RIN3: variants seen among roughly 807,000 people sequenced by gnomAD.
RIN3 encodes Ras and Rab interactor 3.
A neutral mutation model predicts 76.3 loss-of-function variants in RIN3; 54 were observed. The observed-to-expected ratio is 0.71, with a 90% confidence interval of 0.57 to 0.89. The LOEUF is 0.89. Ranked by LOEUF, RIN3 falls within the 40% of genes least tolerant of loss-of-function variation. The pLI is 0.00. For missense variants in RIN3, 1,256 were observed against 1,322.1 expected (o/e 0.95, Z 0.78); for synonymous variants, 576 against 564.0 (o/e 1.02, Z -0.30).
intron 3 of RIN3, among the ~76,000 whole-genome samples, chr14:92,592,640 T>G (rs1354154026): frequency 1.5e-5 from 2 of 134,800 alleles, no homozygotes; most frequent in East Asian, 2.0e-4. Flanking sequence ...CTTTTAAATT[T>G]TGTATTATTA....
At chr14:92,583,455 C>T (rs1334834315) in intron 3 of RIN3, among the ~76,000 whole-genome samples, 1 of 152,268 alleles carries the variant, frequency 6.6e-6, no homozygotes, top group African/African-American at 2.4e-5. Context: ...TGCTTGCACA[C>T]ACATGGGTGT....
In RIN3 at chr14:92,652,843, C is replaced by T. The variant is rs990456466; in HGVS notation, c.1794C>T (p.Asn598=). 4.3e-6 allele frequency: 7 copies of T among 1,613,998 alleles called. No homozygotes were observed. Among genetic ancestry groups the T allele is most frequent in the Non-Finnish European group, 5.9e-6 (7 of 1,180,062 alleles). ...TGTTCCACGCTTTCCTCTCCAACAA[C>T]CGCAAGCTGTACAAGAAGGTGGTGG... ...SSMFHAFLSN[N]RKLYKKVVEL... The change falls in exon 6 of 10, where the codon AAC becomes AAT. Residue 598 remains asparagine (N), a synonymous_variant. Transcript: ENST00000216487. The surrounding 1 kb of genome is among the most constrained non-coding windows in gnomAD (Gnocchi z 6.4).
intron 4 of RIN3, among the ~76,000 whole-genome samples, chr14:92,630,246 T>C (rs1316469368): frequency 1.3e-5 from 2 of 152,128 alleles, no homozygotes; most frequent in African/African-American, 4.8e-5. Flanking sequence ...ATCCCAGCAC[T>C]TTAGGAGGCC....
At position 92,623,316 on chromosome 14, in the gene RIN3, C is replaced by G. The variant is rs550788395; in HGVS notation, c.440+7837C>G. Among the ~76,000 whole-genome samples the G allele has an allele frequency of 1.3e-5, 2 of 152,350 alleles. No homozygotes were observed. Among genetic ancestry groups the G allele is most frequent in the Non-Finnish European group, 2.9e-5 (2 of 68,032 alleles). Reference sequence around the variant, plus strand: ...CCACCTTTTTCTGCTAATATCATATCTAAGGCCATTCTGTTTTCCCAAGCC... The same window carrying G: ...CCACCTTTTTCTGCTAATATCATATGTAAGGCCATTCTGTTTTCCCAAGCC... On this transcript the variant is annotated intron_variant, in intron 4 of 9. Transcript: ENST00000216487. This position sits in a 1 kb window ranked among gnomAD's most constrained non-coding sequence, Gnocchi z 4.9.
intron 2 of RIN3, among the ~76,000 whole-genome samples, chr14:92,565,146 T>A (rs1000905646): frequency 1.3e-5 from 2 of 152,184 alleles, no homozygotes; most frequent in African/African-American, 4.8e-5. Context: ...CCATCGAGGT[T>A]GAGCTCTGAA....
intron 3 of RIN3, among the ~76,000 whole-genome samples, chr14:92,588,850 C>T (rs1032784992): frequency 6.6e-6 from 1 of 152,176 alleles, no homozygotes; most frequent in African/African-American, 2.4e-5. Context: ...CATAAAGCAG[C>T]ACTCTCTGCC....
chr14:92,678,808 T>C (rs1054420680), intron 8 of RIN3, among the ~76,000 whole-genome samples: 3 of 152,230 alleles, frequency 2.0e-5, no homozygotes, highest in Admixed American at 2.0e-4. Flanking sequence ...GAATGCCTCA[T>C]TCTGCATCCC....
At chr14:92,614,475 G>A in intron 3 of RIN3, among the ~76,000 whole-genome samples, 1 of 152,152 alleles carries the variant, frequency 6.6e-6, no homozygotes. Flanking sequence ...CAAAAATGAT[G>A]AGTGTATATT....
intron 3 of RIN3, among the ~76,000 whole-genome samples, chr14:92,581,313 A>G (rs922157706): frequency 6.6e-6 from 1 of 152,190 alleles, no homozygotes; most frequent in Non-Finnish European, 1.5e-5. Flanking sequence ...CCTGTCTCTT[A>G]CTAAGAGCAA....
At chr14:92,651,276 C>T (rs542703983) in intron 5 of RIN3, among the ~76,000 whole-genome samples, 17 of 152,282 alleles carry the variant, frequency 1.1e-4, no homozygotes, top group African/African-American at 4.1e-4. Flanking sequence ...CACCCTGTGT[C>T]ATCAATGCCC....
chr14:92,621,235 C>CAAAAAAAAA lies in RIN3; in HGVS notation c.440+5768_440+5776dup, dbSNP rs572318532. ...TGGGTGACAGAGCGAGACTCCGTCT[C>CAAAAAAAAA]AAAAAAAAAAAAAAAAAAAAGAATT... On this transcript the variant is annotated intron_variant, in intron 4 of 9. Transcript: ENST00000216487. Among the ~76,000 whole-genome samples the CAAAAAAAAA allele has an allele frequency of 7.0e-3, 494 of 70,518 alleles. 66 individuals are homozygous for CAAAAAAAAA. The highest frequency in any genetic ancestry group is 0.027 in the East Asian group (65 of 2,440). 46.3% of individuals were successfully genotyped at this position (70,518 alleles called of 152,430 possible).
intron 3 of RIN3, among the ~76,000 whole-genome samples, chr14:92,603,478 G>A (rs193104642): frequency 6.6e-6 from 1 of 152,246 alleles, no homozygotes; most frequent in African/African-American, 2.4e-5. Flanking sequence ...AGAGGGTGTG[G>A]GAGGGGCTCA....
In RIN3 at chr14:92,514,922, C is replaced by A. The variant is rs1294979575; in HGVS notation, c.44+946C>A. Among the ~76,000 whole-genome samples the A allele has an allele frequency of 6.6e-6, 1 of 152,234 alleles. No homozygotes were observed. Among genetic ancestry groups the A allele is most frequent in the South Asian group, 2.1e-4 (1 of 4,830 alleles). ...ATTCCCAGCTTTTTGGTTTAAAAGT[C>A]CCGGGCCTACTTCTCTGATGGACAC... On this transcript the variant is annotated intron_variant, in intron 1 of 9. Transcript: ENST00000216487. This position sits in a 1 kb window ranked among gnomAD's most constrained non-coding sequence, Gnocchi z 7.2.
At chr14:92,665,292 C>T (rs1317968366) in intron 7 of RIN3, among the ~76,000 whole-genome samples, 1 of 151,730 alleles carries the variant, frequency 6.6e-6, no homozygotes, top group Non-Finnish European at 1.5e-5. Flanking sequence ...TCTCATGGAA[C>T]CACCGTCATA....
intron 3 of RIN3, among the ~76,000 whole-genome samples, chr14:92,602,254 C>A (rs928671920): frequency 1.3e-5 from 2 of 152,208 alleles, no homozygotes; most frequent in Non-Finnish European, 2.9e-5. Context: ...AGTGCCCAGG[C>A]CAGTGGGAGG....
intron 3 of RIN3, among the ~76,000 whole-genome samples, chr14:92,597,695 G>A (rs895373388): frequency 6.6e-5 from 10 of 152,168 alleles, no homozygotes; most frequent in Middle Eastern, 3.4e-3. Context: ...TCAGAATTCC[G>A]TTCTTATATC....
chr14:92,571,782 T>A (rs1427291432), intron 2 of RIN3, among the ~76,000 whole-genome samples: 1 of 152,130 alleles, frequency 6.6e-6, no homozygotes, highest in Non-Finnish European at 1.5e-5. Context: ...ATACTTCCAA[T>A]TACAGTTTTG....
chr14:92,558,771 G>A (rs1897670869), intron 2 of RIN3, among the ~76,000 whole-genome samples: 2 of 152,376 alleles, frequency 1.3e-5, no homozygotes, highest in East Asian at 3.9e-4. Context: ...CCGGAAGGGT[G>A]AGGGAGCTGT....
chr14:92,564,951 A>G (rs1198392160), intron 2 of RIN3, among the ~76,000 whole-genome samples: 1 of 152,222 alleles, frequency 6.6e-6, no homozygotes, highest in Non-Finnish European at 1.5e-5. Flanking sequence ...GAAGGCTTTC[A>G]GGAGCAGTGG....
Sources: gnomAD v4.1 joint callset for allele counts (sites outside exome capture counted in the v4.1 genomes callset) on GRCh38, gnomAD v4.1.1 for gene constraint, Gnocchi (gnomAD v3.1) non-coding constraint, MANE v1.5 for transcripts, NCBI Gene and HGNC (gene_info 2026-07-23, HGNC 2026-07-21) for gene names.